The following MYOM1 variants were observed in gnomAD, a reference collection of about 807,000 sequenced individuals.
MYOM1 encodes myomesin-1.
Under a neutral mutation model 205.3 loss-of-function variants are expected in MYOM1, and 164 were observed. The observed-to-expected ratio is 0.80, with a 90% CI of 0.70 to 0.91. MYOM1 has a LOEUF of 0.91. MYOM1 is among the 40% of genes least tolerant of loss of function. The pLI, the probability that MYOM1 is intolerant of heterozygous loss-of-function variation, is 0.00. For missense variants in MYOM1, 2,011 were observed against 2,127.3 expected (o/e 0.95, Z 1.08); for synonymous variants, 772 against 789.4 (o/e 0.98, Z 0.37).
chr18:3,090,915 T>C, intron 26 of MYOM1, 113 bp from the exon 27 acceptor site: 2 of 1,302,922 alleles, frequency 1.5e-6, no homozygotes, highest in South Asian at 2.8e-5. Flanking sequence ...GCAGTGCCTG[T>C]TCATGCCTGT....
Position 3,086,115 on chromosome 18 carries a change from A to G in MYOM1, c.4174T>C (p.Tyr1392His). The G allele has an allele frequency of 6.2e-7, 1 of 1,611,264 alleles. No homozygotes were observed. Among genetic ancestry groups the G allele is most frequent in the African/African-American group, 1.3e-5 (1 of 75,016 alleles). ...ACTGATATCTCCCTCTCATCTTTGT[A>G]CCACACAATATGAGTCTCCTTCTTA... Reference protein sequence around the residue: ...NIKKETHIVWYKDEREISVDE... With the variant: ...NIKKETHIVWHKDEREISVDE... The change falls in exon 30 of 38, where the codon TAC (tyrosine) becomes CAC (histidine). Residue 1392 changes from tyrosine to histidine, a missense_variant. Coordinates refer to ENST00000356443, the MANE Select transcript of MYOM1 (RefSeq NM_003803.4).
chr18:3,085,395 G>C (rs2079141704), intron 30 of MYOM1, among the ~76,000 whole-genome samples: 1 of 151,810 alleles, frequency 6.6e-6, no homozygotes, highest in South Asian at 2.1e-4. Context: ...ACAGGTGTGA[G>C]CCACTGCACC....
chr18:3,103,859 C>T lies in MYOM1; in HGVS notation c.3419-1229G>A, dbSNP rs548119157. ...CCTGATAGTTGATCTAACTTGTGTC[C>T]GTACAGATGGCAGTGTATGCTTCAA... On this transcript the variant is annotated intron_variant, in intron 22 of 37. Coordinates refer to ENST00000356443, the MANE Select transcript of MYOM1 (RefSeq NM_003803.4). Among the ~76,000 whole-genome samples the T allele has an allele frequency of 2.5e-4, 38 of 152,214 alleles. 1 individual carries two copies. The highest frequency in any genetic ancestry group is 2.1e-3 in the Admixed American group (32 of 15,270).
chr18:3,204,262 T>C (rs1448015748), intron 2 of MYOM1, among the ~76,000 whole-genome samples: 6 of 151,958 alleles, frequency 3.9e-5, no homozygotes, highest in Non-Finnish European at 2.9e-5. Flanking sequence ...TAATTAACTT[T>C]TTAAAAATTG....
rs1226299937 is a variant in MYOM1, at chr18:3,209,335, C to T, written c.290+5599G>A. 1.3e-5 allele frequency among the ~76,000 whole-genome samples: 2 copies of T among 152,178 alleles called. No individual in the cohort carries two copies. The highest frequency in any genetic ancestry group is 4.8e-5 in the African/African-American group (2 of 41,438). On this transcript the variant is annotated intron_variant, in intron 2 of 37. Transcript: ENST00000356443. The surrounding 1 kb of genome is among the most constrained non-coding windows in gnomAD (Gnocchi z 4.0). ...ATGACCAGTAGATCCTCACATCTGG[C>T]CACTGCTCGCACATCCGCTCTTACT...
chr18:3,120,135 TCTC>T (rs1185675864), intron 19 of MYOM1, 140 bp from the exon 20 acceptor site: 1 of 1,184,774 alleles, frequency 8.4e-7, no homozygotes, highest in Non-Finnish European at 1.1e-6. Context: ...CCTTTTGTAA[TCTC>T]CTGGGTGTGG....
At chr18:3,116,040 T>A (rs529773097) in intron 21 of MYOM1, among the ~76,000 whole-genome samples, 2 of 152,170 alleles carry the variant, frequency 1.3e-5, no homozygotes, top group African/African-American at 4.8e-5. Flanking sequence ...TTTAAGACTA[T>A]GAGTAACAAA....
At chr18:3,195,198 A>C (rs1008335726) in intron 2 of MYOM1, among the ~76,000 whole-genome samples, 2 of 152,262 alleles carry the variant, frequency 1.3e-5, no homozygotes, top group Admixed American at 6.5e-5. Flanking sequence ...CATGCAGGGC[A>C]GGCAGCGGCC....
At chr18:3,147,042 A>AATATTATATATTATATATAAATATAT (rs1484320048) in intron 13 of MYOM1, among the ~76,000 whole-genome samples, 1,983 of 142,626 alleles carry the variant, frequency 0.014, 48 homozygotes, top group African/African-American at 0.049. Flanking sequence ...ATTATATATA[A>AATATTATATATTATATATAAATATAT]ATATTATATA....
chr18:3,190,014 G>A (rs2080882452), intron 3 of MYOM1, among the ~76,000 whole-genome samples: 2 of 152,136 alleles, frequency 1.3e-5, no homozygotes, highest in African/African-American at 2.4e-5. Flanking sequence ...TACTATGTGT[G>A]TACCTATACT....
At chr18:3,187,456 T>C in intron 5 of MYOM1, 24 bp downstream of exon 5, 1 of 1,606,758 alleles carries the variant, frequency 6.2e-7, no homozygotes, top group Non-Finnish European at 8.5e-7. Context: ...ATGAATTCTG[T>C]TAGCTTTCAT....
intron 5 of MYOM1, among the ~76,000 whole-genome samples, chr18:3,187,203 T>C (rs2080830140): frequency 1.3e-5 from 2 of 152,218 alleles, no homozygotes; most frequent in East Asian, 1.9e-4. Flanking sequence ...TGTTGGTACA[T>C]ATGTTGACTA....
intron 2 of MYOM1, among the ~76,000 whole-genome samples, chr18:3,207,033 A>T (rs932808462): frequency 5.9e-5 from 9 of 152,110 alleles, no homozygotes; most frequent in Non-Finnish European, 1.2e-4. Flanking sequence ...TAGGAATATA[A>T]CCGCAATTTT....
chr18:3,210,766 T>G (rs2081181967), intron 2 of MYOM1, among the ~76,000 whole-genome samples: 1 of 152,134 alleles, frequency 6.6e-6, no homozygotes, highest in Non-Finnish European at 1.5e-5. Flanking sequence ...TGACTGTAAC[T>G]GGCATTGGGT....
chr18:3,221,841 T>C (rs961962061), upstream of MYOM1, among the ~76,000 whole-genome samples: 1 of 152,232 alleles, frequency 6.6e-6, no homozygotes, highest in African/African-American at 2.4e-5. Context: ...TTTAGCTATC[T>C]GGAAGCCATA....
At chr18:3,143,680 C>T (rs78253042) in intron 13 of MYOM1, among the ~76,000 whole-genome samples, 1,557 of 151,998 alleles carry the variant, frequency 0.01, 21 homozygotes, top group African/African-American at 0.036. Flanking sequence ...GCAGGTGAAT[C>T]GCTTGAGCTC....
At chr18:3,116,211 C>T in intron 21 of MYOM1, 120 bp downstream of exon 21, 1 of 1,061,960 alleles carries the variant, frequency 9.4e-7, no homozygotes, top group Non-Finnish European at 1.3e-6. Flanking sequence ...GGAATCTTAC[C>T]AGGAGCCCAA....
chr18:3,099,054 A>G (rs1308495042), intron 25 of MYOM1, among the ~76,000 whole-genome samples: 1 of 152,108 alleles, frequency 6.6e-6, no homozygotes, highest in Non-Finnish European at 1.5e-5. Flanking sequence ...CCTGGCCTCA[A>G]GTGATCCTCT....
intron 31 of MYOM1, among the ~76,000 whole-genome samples, 174 bp downstream of exon 31, chr18:3,084,871 A>G (rs1052059787): frequency 2.0e-5 from 3 of 152,232 alleles, no homozygotes; most frequent in Admixed American, 2.0e-4. Context: ...GAAGATGACT[A>G]GAAGTGAGGT....
Sources: gnomAD v4.1 joint callset for allele counts (sites outside exome capture counted in the v4.1 genomes callset) on GRCh38, gnomAD v4.1.1 for gene constraint, Gnocchi (gnomAD v3.1) non-coding constraint, MANE v1.5 for transcripts, NCBI Gene and HGNC (gene_info 2026-07-23, HGNC 2026-07-21) for gene names.